Variants in SPEF2 observed in about 807,000 individuals in gnomAD.
SPEF2 encodes the protein sperm flagella and cilia-associated protein 2.
In SPEF2, 187 loss-of-function variants were observed where a neutral mutation model predicts 224.6. The observed-to-expected ratio is 0.83, with a 90% CI of 0.74 to 0.94. The LOEUF is 0.94. Ranked by LOEUF, SPEF2 falls within the 40% of genes least tolerant of loss-of-function variation. SPEF2 has a pLI of 0.00. For synonymous variants in SPEF2, 715 were observed against 707.3 expected (o/e 1.01, Z -0.17); for missense variants, 2,170 against 2,135.6 (o/e 1.02, Z -0.32).
In SPEF2 at chr5:35,697,792, AAGT is replaced by A. The variant is rs1363570573; in HGVS notation, c.2141+1_2141+3del. 1 of 1,597,988 alleles carries A rather than the reference AAGT, an allele frequency of 6.3e-7. No homozygotes were observed. The highest frequency in any genetic ancestry group is 1.7e-5 in the Admixed American group (1 of 59,684). ...TGTTGACATCATAGTAAATGCTATT[AAGT>A]ATGTATTGCATTTTTCTTCCTCTCA... On this transcript the variant is annotated splice_donor_variant and coding_sequence_variant, in exon 15 of 37. Transcript: ENST00000356031. LOFTEE classifies it high-confidence loss of function.
At chr5:35,706,707 A>G (rs1739844607) in intron 18 of SPEF2, among the ~76,000 whole-genome samples, 1 of 152,150 alleles carries the variant, frequency 6.6e-6, no homozygotes, top group Admixed American at 6.5e-5. Context: ...GTTAACTAAC[A>G]TTAAAATTGC....
intron 18 of SPEF2, among the ~76,000 whole-genome samples, chr5:35,707,503 A>G (rs1325749992): frequency 6.6e-6 from 1 of 152,196 alleles, no homozygotes; most frequent in African/African-American, 2.4e-5. Flanking sequence ...CTGAATTGAA[A>G]AGAGTAATCT....
At chr5:35,777,410 C>A (rs1242156677) in intron 29 of SPEF2, among the ~76,000 whole-genome samples, 1 of 152,030 alleles carries the variant, frequency 6.6e-6, no homozygotes, top group Non-Finnish European at 1.5e-5. Flanking sequence ...TACTGGATAA[C>A]CAAGTCAGTT....
In SPEF2 at chr5:35,796,005, T is replaced by C. The variant is rs1004768506; in HGVS notation, c.4830+210T>C. ...GGCAGGGGCCAGAATCTCAGAGCCTTACTGTTAACTCTCTATGTGATCCTG... is the reference window on the plus strand; with the variant it reads ...GGCAGGGGCCAGAATCTCAGAGCCTCACTGTTAACTCTCTATGTGATCCTG... On this transcript the variant is annotated intron_variant, in intron 33 of 36. Coordinates refer to ENST00000356031, the MANE Select transcript of SPEF2 (RefSeq NM_024867.4). Among the ~76,000 whole-genome samples, 18 of 152,322 alleles carry C rather than the reference T, an allele frequency of 1.2e-4. No homozygotes were observed. The East Asian group carries it at 3.5e-3, about 29-fold the overall frequency.
intron 1 of SPEF2, among the ~76,000 whole-genome samples, chr5:35,626,493 C>T (rs974453272): frequency 6.6e-6 from 1 of 152,122 alleles, no homozygotes; most frequent in Admixed American, 6.5e-5. Flanking sequence ...CTTTCATTTT[C>T]CTAGGGCTTA....
intron 6 of SPEF2, among the ~76,000 whole-genome samples, chr5:35,651,019 G>T (rs1346540600): frequency 1.3e-5 from 2 of 152,214 alleles, no homozygotes; most frequent in Non-Finnish European, 2.9e-5. Context: ...TTACATTCAT[G>T]ATACAAGATG....
At position 35,693,454 on chromosome 5, in the gene SPEF2, G is replaced by A. The variant is rs1754825639; in HGVS notation, c.1899+730G>A. Among the ~76,000 whole-genome samples, 2 of 152,094 alleles carry A rather than the reference G, an allele frequency of 1.3e-5. 1 individual carries two copies. Among genetic ancestry groups the A allele is most frequent in the South Asian group, 4.1e-4 (2 of 4,820 alleles). Reference sequence around the variant, plus strand: ...TCAATTGGGGGATGGCTCTCTGAAAGGTTTACCTGTATCATATTCCCATCA... The same window carrying A: ...TCAATTGGGGGATGGCTCTCTGAAAAGTTTACCTGTATCATATTCCCATCA... On this transcript the variant is annotated intron_variant, in intron 12 of 36. Transcript: ENST00000356031.
In SPEF2 at chr5:35,814,507, G is replaced by T. The variant is rs141994604; in HGVS notation, c.5423G>T (p.Ser1808Ile). Reference sequence around the variant, plus strand: ...CAAAGGAGTGAACATGTACAAGGAAGTGATGGAGAGAGATCACCTTCAAGA... The same window carrying T: ...CAAAGGAGTGAACATGTACAAGGAATTGATGGAGAGAGATCACCTTCAAGA... ...ILQRSEHVQG[S>I]DGERSPSRHT... The change falls in exon 37 of 37, where the codon AGT becomes ATT. Residue 1808 changes from serine to isoleucine, a missense_variant. Ser to Ile is a moderately radical substitution (Grantham distance 142). Transcript: ENST00000356031. 975 of 1,609,594 alleles carry T rather than the reference G, an allele frequency of 6.1e-4. 6 individuals carry two copies. In the African/African-American group the frequency reaches 0.011, roughly 18 times the overall value.
In SPEF2 at chr5:35,764,892, C is replaced by T. The variant is rs187177549; in HGVS notation, c.3801+1190C>T. 16 of 358,746 alleles carry T rather than the reference C, an allele frequency of 4.5e-5. 1 individual carries two copies. Among genetic ancestry groups the T allele is most frequent in the Admixed American group, 2.7e-4 (7 of 26,378 alleles). The allele number at this position is 358,746 out of a possible 1,614,324, so 22.2% of individuals were successfully genotyped here. ...CTCCTCTCATTGTTTCTGCTTCTTT[C>T]GAAAAACATTTTAGTATGGATTTTC... is the stretch of plus-strand genomic sequence containing the variant. On this transcript the variant is annotated intron_variant, in intron 26 of 36. Transcript: ENST00000356031.
At position 35,704,598 on chromosome 5, in the gene SPEF2, C is replaced by T. The variant is rs372405006; in HGVS notation, c.2443C>T (p.Arg815Cys). 1.7e-5 allele frequency: 28 copies of T among 1,612,806 alleles called. No homozygotes were observed. Among genetic ancestry groups the T allele is most frequent in the African/African-American group, 6.7e-5 (5 of 74,962 alleles). Residue 815 changes from arginine to cysteine, a missense_variant, in exon 17 of 37, where the codon CGT becomes TGT. Physicochemically the swap from Arg to Cys is radical, Grantham distance 180. Coordinates refer to ENST00000356031, the MANE Select transcript of SPEF2 (RefSeq NM_024867.4). ...YKTAHEDISQ[R>C]VAAENQDKDG... is the part of the protein sequence containing the mutation. The stretch of plus-strand genomic sequence containing the variant: ...AACTGCTCACGAAGATATCAGTCAA[C>T]GTGTAGCTGCTGAAAACCAAGATAA...
chr5:35,661,010 T>C (rs895487073), intron 8 of SPEF2, among the ~76,000 whole-genome samples: 1 of 152,102 alleles, frequency 6.6e-6, no homozygotes, highest in African/African-American at 2.4e-5. Flanking sequence ...CCCTTAGAGA[T>C]GGTTGGATTT....
intron 10 of SPEF2, chr5:35,675,553 G>A (rs1211462063): frequency 2.0e-5 from 3 of 148,884 alleles, no homozygotes; most frequent in African/African-American, 7.5e-5. Flanking sequence ...TTTTGAGAGG[G>A]AGTCTCGCTC....
At position 35,694,324 on chromosome 5, in the gene SPEF2, G is replaced by A; in HGVS notation, c.1936G>A (p.Asp646Asn). The A allele has an allele frequency of 6.2e-7, 1 of 1,613,596 alleles. No individual in the cohort carries two copies. Among genetic ancestry groups the A allele is most frequent in the Non-Finnish European group, 8.5e-7 (1 of 1,179,740 alleles). The change falls in exon 13 of 37, where the codon GAT (aspartate) becomes AAT (asparagine). Residue 646 changes from aspartate to asparagine, a missense_variant. Physicochemically the swap from Asp to Asn is conservative, Grantham distance 23 (BLOSUM62 1). Coordinates refer to ENST00000356031, the MANE Select transcript of SPEF2 (RefSeq NM_024867.4). ...TGTATTTTCAGCTGGTCCAGTTTCAGATGAAGTATTACCAGAAACAGAAGG... is the reference window on the plus strand; with the variant it reads ...TGTATTTTCAGCTGGTCCAGTTTCAAATGAAGTATTACCAGAAACAGAAGG... ...QHVFSAGPVS[D>N]EVLPETEGET...
chr5:35,634,383 G>C (rs1346526192), intron 2 of SPEF2, among the ~76,000 whole-genome samples: 1 of 152,184 alleles, frequency 6.6e-6, no homozygotes, highest in African/African-American at 2.4e-5. Context: ...TTATAGAGAA[G>C]CTCTTGTATT....
chr5:35,746,113 G>A (rs1688362412), intron 23 of SPEF2, among the ~76,000 whole-genome samples: 1 of 152,180 alleles, frequency 6.6e-6, no homozygotes, highest in African/African-American at 2.4e-5. Context: ...CACATCCATA[G>A]GAAAAGCAGG....
chr5:35,737,720 T>C (rs1305826852), intron 21 of SPEF2, among the ~76,000 whole-genome samples: 2 of 152,186 alleles, frequency 1.3e-5, no homozygotes, highest in Non-Finnish European at 2.9e-5. Flanking sequence ...CTCCTTTGGG[T>C]ATATACCCAG....
At chr5:35,775,898 G>A (rs963566985) in intron 28 of SPEF2, among the ~76,000 whole-genome samples, 2 of 152,106 alleles carry the variant, frequency 1.3e-5, no homozygotes, top group African/African-American at 4.8e-5. Context: ...GAAATACAAT[G>A]GCAATGCCAC....
rs768972615 is a variant in SPEF2 at position 35,740,163 on chromosome 5, C to A, written c.3226C>A (p.His1076Asn). The stretch of plus-strand genomic sequence containing the variant: ...CCAGGAGTTTCTAAAGCGTCCGGAT[C>A]ACAAGCAAGATTTTGTAGCTCAATG... ...SFQEFLKRPD[H>N]KQDFVAQWQA... is the part of the protein sequence containing the mutation. Residue 1076 changes from histidine (H) to asparagine (N), a missense_variant, in exon 23 of 37, where the codon CAC (histidine) becomes AAC (asparagine). Physicochemically the swap from His to Asn is moderately conservative, Grantham distance 68 (BLOSUM62 1). Transcript: ENST00000356031. The A allele has an allele frequency of 6.2e-7, 1 of 1,614,126 alleles. No individual in the cohort carries two copies. The highest frequency in any genetic ancestry group is 1.7e-5 in the Admixed American group (1 of 60,024).
At chr5:35,789,847 A>G (rs1037611877) in intron 30 of SPEF2, 5 of 702,856 alleles carry the variant, frequency 7.1e-6, no homozygotes, top group African/African-American at 1.7e-5. Context: ...ATTATGAACC[A>G]GTATTAGAAG....
Sources: allele counts gnomAD v4.1 joint callset (sites outside exome capture counted in the v4.1 genomes callset), GRCh38; gene constraint gnomAD v4.1.1; transcripts MANE v1.5; gene names NCBI Gene and HGNC (gene_info 2026-07-23, HGNC 2026-07-21).